DMRT1: variants seen among roughly 807,000 people sequenced by gnomAD.
DMRT1 encodes the protein doublesex and mab-3 related transcription factor 1.
Under a neutral mutation model 32.3 loss-of-function variants are expected in DMRT1, and 7 were observed. The observed-to-expected ratio is 0.22, with a 90% CI of 0.12 to 0.41. The LOEUF (loss-of-function observed/expected upper bound fraction) is 0.41. DMRT1 is among the 10% of genes least tolerant of loss of function. The pLI, the probability that DMRT1 is intolerant of heterozygous loss-of-function variation, is 1.00. For missense variants in DMRT1, 625 were observed against 500.5 expected, an observed-to-expected ratio of 1.25 and a Z score of -2.37; for synonymous variants, 278 against 206.1, an observed-to-expected ratio of 1.35 and a Z score of -2.99.
Position 873,061 on chromosome 9 carries a change from A to G in DMRT1, c.539-20851A>G, listed in dbSNP as rs146614846. 1.8e-4 allele frequency among the ~76,000 whole-genome samples: 28 copies of G among 152,302 alleles called. 1 individual carries two copies. The highest frequency in any genetic ancestry group is 6.7e-4 in the African/African-American group (28 of 41,570). ...TAATCCTTGAGCAGTTTGCTAGGTA[A>G]CCTTTAACCCAGTCAAGGTGACATC... is the stretch of plus-strand genomic sequence containing the variant. On this transcript the variant is annotated intron_variant, in intron 2 of 4. Coordinates refer to ENST00000382276, the MANE Select transcript of DMRT1 (RefSeq NM_021951.3).
chr9:858,869 AAATATATAT>A (rs1397571431), intron 2 of DMRT1, among the ~76,000 whole-genome samples: 807 of 17,316 alleles, frequency 0.047, 4 homozygotes, highest in African/African-American at 0.12. Flanking sequence ...AAAAAAAAAA[AAATATATAT>A]ATATATATAT....
At chr9:955,908 C>T (rs1041926034) in intron 4 of DMRT1, among the ~76,000 whole-genome samples, 6 of 152,156 alleles carry the variant, frequency 3.9e-5, no homozygotes, top group African/African-American at 1.4e-4. Flanking sequence ...AATTACCATA[C>T]GGTCCAGCAG....
intron 3 of DMRT1, among the ~76,000 whole-genome samples, chr9:901,429 C>A (rs994204292): frequency 6.6e-6 from 1 of 151,846 alleles, no homozygotes; most frequent in African/African-American, 2.4e-5. Context: ...CGGGTTCAAG[C>A]GATTCTCCTG....
chr9:843,458 T>C (rs944670746), intron 1 of DMRT1, among the ~76,000 whole-genome samples: 16 of 152,248 alleles, frequency 1.1e-4, no homozygotes, highest in African/African-American at 3.6e-4. Context: ...TTGAAGATGT[T>C]TTAAAGCACG....
intron 4 of DMRT1, among the ~76,000 whole-genome samples, chr9:937,990 G>T (rs1818942799): frequency 6.6e-6 from 1 of 151,972 alleles, no homozygotes; most frequent in African/African-American, 2.4e-5. Context: ...TAGCTCTTAA[G>T]ATCTTTCATT....
chr9:865,966 C>G lies in DMRT1; in HGVS notation c.538+18823C>G, dbSNP rs1378082162. 5.3e-5 allele frequency among the ~76,000 whole-genome samples: 8 copies of G among 152,006 alleles called. No individual in the cohort carries two copies. The South Asian group carries it at 8.3e-4, about 16-fold the overall frequency. ...ATCACCTAAGGTCAGGAGTTCGAGA[C>G]CAGCCTGGCCAACATGGTGAAACCC... On this transcript the variant is annotated intron_variant, in intron 2 of 4. Transcript: ENST00000382276.
At chr9:894,336 A>C (rs1033835) in intron 3 of DMRT1, 141 bp downstream of exon 3, 2 of 853,998 alleles carry the variant, frequency 2.3e-6, no homozygotes, top group African/African-American at 3.8e-5. Context: ...GTACACACAC[A>C]TATGTGTGTG....
In DMRT1 at chr9:955,373, C is replaced by G. The variant is rs566403531; in HGVS notation, c.968-12612C>G. 2.0e-5 allele frequency among the ~76,000 whole-genome samples: 3 copies of G among 152,164 alleles called. No individual in the cohort carries two copies. The South Asian group carries it at 6.2e-4, about 32-fold the overall frequency. ...ACAGTAGGTCATGACTAAGGGAGAG[C>G]AGGAAGAAGGGAAAGAAGGAAAAGA... On this transcript the variant is annotated intron_variant, in intron 4 of 4. Coordinates refer to ENST00000382276, the MANE Select transcript of DMRT1 (RefSeq NM_021951.3).
chr9:866,876 G>A (rs1219993387), intron 2 of DMRT1, among the ~76,000 whole-genome samples: 1 of 152,202 alleles, frequency 6.6e-6, no homozygotes, highest in African/African-American at 2.4e-5. Context: ...GGAGGAAGGA[G>A]TAAGAGGCAC....
intron 2 of DMRT1, among the ~76,000 whole-genome samples, chr9:864,586 T>C (rs925106313): frequency 2.6e-5 from 4 of 151,334 alleles, no homozygotes; most frequent in African/African-American, 7.3e-5. Context: ...GCAAGCTCTG[T>C]GTCCCAGGCT....
chr9:880,435 G>C (rs997576011), intron 2 of DMRT1, among the ~76,000 whole-genome samples: 1 of 152,084 alleles, frequency 6.6e-6, no homozygotes, highest in African/African-American at 2.4e-5. Context: ...TAGTATACTT[G>C]GGTAGCTTGG....
intron 3 of DMRT1, among the ~76,000 whole-genome samples, chr9:911,785 C>G (rs137906287): frequency 5.6e-4 from 85 of 152,252 alleles, no homozygotes; most frequent in African/African-American, 1.9e-3. Flanking sequence ...AGCCACCGCG[C>G]CCATCCATGA....
chr9:951,982 T>C (rs1819442202), intron 4 of DMRT1, among the ~76,000 whole-genome samples: 1 of 152,204 alleles, frequency 6.6e-6, no homozygotes, highest in African/African-American at 2.4e-5. Flanking sequence ...TGCTATGCTA[T>C]GTATATATTT....
At chr9:919,651 A>G (rs762701805) in intron 4 of DMRT1, among the ~76,000 whole-genome samples, 11 of 152,178 alleles carry the variant, frequency 7.2e-5, no homozygotes, top group Non-Finnish European at 1.5e-4. Context: ...GTTCAAGCAC[A>G]GGGTGATTTG....
intron 2 of DMRT1, among the ~76,000 whole-genome samples, chr9:850,779 A>G (rs1006543548): frequency 6.6e-6 from 1 of 152,162 alleles, no homozygotes; most frequent in Admixed American, 6.5e-5. Flanking sequence ...CTGTAATCCC[A>G]GCACTTTGGG....
Position 916,775 on chromosome 9 carries a change from G to C in DMRT1, c.835G>C (p.Glu279Gln). 2.5e-6 allele frequency: 4 copies of C among 1,614,212 alleles called. No individual in the cohort carries two copies. The highest frequency in any genetic ancestry group is 3.4e-6 in the Non-Finnish European group (4 of 1,180,044). The change falls in exon 4 of 5, where the codon GAG becomes CAG. Residue 279 changes from glutamate (E) to glutamine (Q), a missense_variant. Around this residue, in one of 3 missense-constraint regions of DMRT1, gnomAD observed 416 missense variants for 321.6 expected, o/e 1.29. Transcript: ENST00000382276. ...TTTTCTTAAGCAGATGAAGAACATG[G>C]AGAACCGCCATGCAATGAGCTCCCA... ...TGNQWQMKNM[E>Q]NRHAMSSQYR...
chr9:930,503 T>C lies in DMRT1; in HGVS notation c.967+13596T>C, dbSNP rs564488238. On this transcript the variant is annotated intron_variant, in intron 4 of 4. Coordinates refer to ENST00000382276, the MANE Select transcript of DMRT1 (RefSeq NM_021951.3). ...CTCGGCTCACTGCAAGCTCCGCCTCTCGGGTTCATGCCATTCTGCCTCAGC... is the reference window on the plus strand; with the variant it reads ...CTCGGCTCACTGCAAGCTCCGCCTCCCGGGTTCATGCCATTCTGCCTCAGC... Among the ~76,000 whole-genome samples the C allele has an allele frequency of 4.7e-3, 715 of 151,910 alleles. 6 individuals carry two copies. Among genetic ancestry groups the C allele is most frequent in the African/African-American group, 0.016 (656 of 41,454 alleles).
intron 4 of DMRT1, among the ~76,000 whole-genome samples, chr9:930,414 A>C (rs528875231): frequency 6.6e-6 from 1 of 151,514 alleles, no homozygotes; most frequent in Non-Finnish European, 1.5e-5. Context: ...TTTATTAAAA[A>C]AATTTTTTTT....
At position 845,224 on chromosome 9, in the gene DMRT1, T is replaced by A. The variant is rs528547081; in HGVS notation, c.355-1736T>A. ...AATCTTATTATTTATTTATTTATTT[T>A]TTTGAGACGGAGTCTTGCTCCATTG... On this transcript the variant is annotated intron_variant, in intron 1 of 4. Coordinates refer to ENST00000382276, the MANE Select transcript of DMRT1 (RefSeq NM_021951.3). Among the ~76,000 whole-genome samples the A allele has an allele frequency of 3.1e-3, 472 of 152,130 alleles. 3 individuals are homozygous for A. Among genetic ancestry groups the A allele is most frequent in the Middle Eastern group, 6.8e-3 (2 of 292 alleles).
Sources: allele counts gnomAD v4.1 joint callset (sites outside exome capture counted in the v4.1 genomes callset), GRCh38; gene constraint gnomAD v4.1.1; regional missense constraint gnomAD v4.1.1; transcripts MANE v1.5; gene names NCBI Gene and HGNC (gene_info 2026-07-23, HGNC 2026-07-21).